SLC44A2: variants seen among roughly 807,000 people sequenced by gnomAD.
The protein encoded by SLC44A2 is solute carrier family 44 member 2 (CTL2 blood group), also known as choline transporter-like protein 2.
In SLC44A2, 57 loss-of-function variants were observed where a neutral mutation model predicts 90.8. That is an observed-to-expected ratio of 0.63 (90% CI 0.51 to 0.78). The LOEUF is 0.78. SLC44A2 is among the 30% of genes least tolerant of loss of function. The pLI, the probability that SLC44A2 is intolerant of heterozygous loss-of-function variation, is 0.00. For missense variants in SLC44A2, 794 were observed against 919.7 expected, an observed-to-expected ratio of 0.86 and a Z score of 1.77; for synonymous variants, 355 against 360.7, an observed-to-expected ratio of 0.98 and a Z score of 0.18.
rs769783752 is a variant in SLC44A2 at position 10,636,517 on chromosome 19, C to T, written c.1428C>T (p.Tyr476=). The stretch of plus-strand genomic sequence containing the variant: ...TGGCCGGGGCCTTTGCCTCCTACTA[C>T]TGGGCCCTGCGCAAGCCGGACGACC... ...VTLAGAFASY[Y]WALRKPDDLP... Residue 476 remains tyrosine (Y), a synonymous_variant, in exon 15 of 22, where the codon TAC becomes TAT. Transcript: ENST00000335757. 10 of 1,611,694 alleles carry T rather than the reference C, an allele frequency of 6.2e-6. No individual in the cohort carries two copies. The Admixed American group carries it at 1.5e-4, about 24-fold the overall frequency.
chr19:10,625,117 G>C (rs1432796813), upstream of SLC44A2: 1 of 152,452 alleles, frequency 6.6e-6, no homozygotes, highest in Non-Finnish European at 1.5e-5. Context: ...CTGGGCAACA[G>C]AGGGAGATCC....
In SLC44A2 at chr19:10,634,878, T is replaced by G. The variant is rs1599253676; in HGVS notation, c.946T>G (p.Leu316Val). 1 of 1,614,192 alleles carries G rather than the reference T, an allele frequency of 6.2e-7. No individual in the cohort carries two copies. ...RVYLHLRQTWLAFMIILSILE... is the reference protein window; with the variant it reads ...RVYLHLRQTWVAFMIILSILE... ...GTACCTGCACTTACGGCAGACCTGG[T>G]TGGCCTTTAGTGAGTCACAGTCTCC... The change falls in exon 11 of 22, where the codon TTG becomes GTG. Residue 316 changes from leucine to valine, a missense_variant. Leu to Val is a conservative substitution (Grantham distance 32). Coordinates refer to ENST00000335757, the MANE Select transcript of SLC44A2 (RefSeq NM_020428.4).
intron 21 of SLC44A2, chr19:10,642,871 C>A: frequency 6.4e-7 from 1 of 1,560,506 alleles, no homozygotes; most frequent in East Asian, 2.3e-5. Flanking sequence ...CCATTTTCCC[C>A]CTGCCGGTTC....
intron 21 of SLC44A2, among the ~76,000 whole-genome samples, chr19:10,642,740 C>T (rs1024887906): frequency 6.6e-6 from 1 of 152,208 alleles, no homozygotes; most frequent in African/African-American, 2.4e-5. Context: ...GTGGCTGCCA[C>T]TAACTCTGGT....
upstream of SLC44A2, among the ~76,000 whole-genome samples, chr19:10,624,906 G>A (rs1247360074): frequency 3.3e-5 from 5 of 152,276 alleles, no homozygotes; most frequent in East Asian, 9.7e-4. Flanking sequence ...GGGCCACGGT[G>A]GGAGGAGCCC....
intron 20 of SLC44A2, among the ~76,000 whole-genome samples, chr19:10,639,439 TGG>T (rs34277129): frequency 1.3e-5 from 2 of 150,850 alleles, no homozygotes; most frequent in South Asian, 2.1e-4. Context: ...TGGGCAGGTG[TGG>T]GGGGGGTCCA....
chr19:10,641,446 G>A, intron 20 of SLC44A2: 1 of 435,772 alleles, frequency 2.3e-6, no homozygotes. Flanking sequence ...GTGGTTTCCT[G>A]GAGGAGGTGG....
Position 10,625,560 on chromosome 19 carries a change from C to T in SLC44A2, c.-74C>T. 8.1e-7 allele frequency: 1 copy of T among 1,233,040 alleles called. No individual in the cohort carries two copies. The highest frequency in any genetic ancestry group is 1.0e-6 in the Non-Finnish European group (1 of 987,114). 76.4% of individuals were successfully genotyped at this position (1,233,040 alleles called of 1,614,324 possible). On this transcript the variant is annotated 5_prime_UTR_variant, in exon 1 of 22. Coordinates refer to ENST00000335757, the MANE Select transcript of SLC44A2 (RefSeq NM_020428.4). ...GCCGCCAGTCGCGCGGTCAGTGCCT[C>T]CCTCCAGACTCGGGAGGGTCGAGGG... is the stretch of plus-strand genomic sequence containing the variant.
At chr19:10,642,976 G>A in intron 21 of SLC44A2, 1 of 1,588,254 alleles carries the variant, frequency 6.3e-7, no homozygotes, top group South Asian at 1.1e-5. Context: ...TCCTGTTGAA[G>A]GGGAGTGCGG....
intron 14 of SLC44A2, 89 bp from the exon 15 acceptor site, chr19:10,636,234 G>A: frequency 6.8e-7 from 1 of 1,461,436 alleles, no homozygotes; most frequent in Non-Finnish European, 9.3e-7. Flanking sequence ...CCTACCTCAT[G>A]GTTTTCCTGG....
In SLC44A2 at chr19:10,643,572, C is replaced by G. The variant is rs535322376; in HGVS notation, c.*187C>G. 2 of 637,356 alleles carry G rather than the reference C, an allele frequency of 3.1e-6. No individual in the cohort carries two copies. The highest frequency in any genetic ancestry group is 5.0e-6 in the Non-Finnish European group (2 of 401,016). The allele number at this position is 637,356 out of a possible 1,614,324, so 39.5% of individuals were successfully genotyped here. A position where few individuals can be genotyped will look rare whatever the true frequency, so the allele number is the denominator to read the frequency against. On this transcript the variant is annotated 3_prime_UTR_variant, in exon 22 of 22. Coordinates refer to ENST00000335757, the MANE Select transcript of SLC44A2 (RefSeq NM_020428.4). ...GGCATCTCCTTCTTATGCCAAGGGG[C>G]GCTTGGAGTTTTCATGGCTGCCCCT...
In SLC44A2 at chr19:10,627,870, G is replaced by A. The variant is rs201292872; in HGVS notation, c.161-50G>A. 1.8e-3 allele frequency: 2,845 copies of A among 1,611,714 alleles called. 7 individuals carry two copies. The highest frequency in any genetic ancestry group is 2.2e-3 in the Non-Finnish European group (2,611 of 1,177,798). On this transcript the variant is annotated intron_variant, in intron 3 of 21. Transcript: ENST00000335757. ...CCATGGCCTCTGGAGTGGGAACAGG[G>A]CTGGATCTGAGGAGTGGCAGTGTCT... is the stretch of plus-strand genomic sequence containing the variant.
chr19:10,617,591 C>G (rs1304598435), intron 1 of SLC44A2, among the ~76,000 whole-genome samples: 3 of 152,224 alleles, frequency 2.0e-5, no homozygotes, highest in Non-Finnish European at 2.9e-5. Flanking sequence ...GAGACTCCCT[C>G]ATGTGTTCCC....
intron 20 of SLC44A2, 104 bp downstream of exon 20, chr19:10,638,419 AATTG>A (rs1253730949): frequency 9.3e-7 from 1 of 1,080,480 alleles, no homozygotes; most frequent in African/African-American, 1.6e-5. Flanking sequence ...AGAGGTGGGG[AATTG>A]ATTATTTATT....
At chr19:10,620,738 C>T (rs1011828313), upstream of SLC44A2, among the ~76,000 whole-genome samples, 1 of 152,048 alleles carries the variant, frequency 6.6e-6, no homozygotes, top group African/African-American at 2.4e-5. Flanking sequence ...TCTAACATGT[C>T]AGATGGTGAT....
At chr19:10,620,075 CTGAGGTG>C (rs2066885623) in intron 1 of SLC44A2, among the ~76,000 whole-genome samples, 2 of 152,106 alleles carry the variant, frequency 1.3e-5, no homozygotes, top group South Asian at 4.1e-4. Flanking sequence ...ACTCGAGAGG[CTGAGGTG>C]GGAGGATCAC....
chr19:10,630,220 G>A (rs1053112532), intron 4 of SLC44A2, among the ~76,000 whole-genome samples: 8 of 152,048 alleles, frequency 5.3e-5, no homozygotes, highest in Non-Finnish European at 1.0e-4. Flanking sequence ...GTGTGGTTGC[G>A]CACACCCGTA....
intron 20 of SLC44A2, chr19:10,641,416 G>A (rs2067114987): frequency 2.2e-6 from 1 of 447,188 alleles, no homozygotes; most frequent in Middle Eastern, 3.3e-4. Context: ...AAAAAAAAAC[G>A]CCCACTCTAG....
At chr19:10,614,156 G>A (rs2066836623) in intron 1 of SLC44A2, among the ~76,000 whole-genome samples, 1 of 151,876 alleles carries the variant, frequency 6.6e-6, no homozygotes, top group African/African-American at 2.4e-5. Context: ...TAGTAGAGAT[G>A]GGGTTTCACC....
Sources: allele counts gnomAD v4.1 joint callset (sites outside exome capture counted in the v4.1 genomes callset), GRCh38; gene constraint gnomAD v4.1.1; transcripts MANE v1.5; gene names NCBI Gene and HGNC (gene_info 2026-07-23, HGNC 2026-07-21).